The following CLSTN1 variants were observed in gnomAD, a reference collection of about 807,000 sequenced individuals.
CLSTN1 encodes calsyntenin-1.
CLSTN1 carries 28 observed loss-of-function variants against 108.3 expected under a neutral mutation model. That is an observed-to-expected ratio of 0.26 (90% CI 0.19 to 0.35). The LOEUF is 0.35. Ranked by LOEUF, CLSTN1 falls within the 10% of genes least tolerant of loss-of-function variation. The pLI is 1.00. For missense variants in CLSTN1, 1,157 were observed against 1,302.6 expected (o/e 0.89, Z 1.72); for synonymous variants, 524 against 534.9 (o/e 0.98, Z 0.28).
At chr1:9,804,235 C>T (rs1218612410) in intron 1 of CLSTN1, among the ~76,000 whole-genome samples, 6 of 151,768 alleles carry the variant, frequency 4.0e-5, no homozygotes, top group Admixed American at 2.6e-4. Flanking sequence ...TGGTGGCGGG[C>T]GCCTGTAGTC....
At chr1:9,779,481 C>T (rs1299089465) in intron 1 of CLSTN1, among the ~76,000 whole-genome samples, 2 of 152,008 alleles carry the variant, frequency 1.3e-5, no homozygotes, top group African/African-American at 2.4e-5. Flanking sequence ...CGCTTGAACC[C>T]GGGAGGTGGA....
At chr1:9,735,732 A>G in intron 12 of CLSTN1, 117 bp from the exon 13 acceptor site, 1 of 1,515,782 alleles carries the variant, frequency 6.6e-7, no homozygotes, top group Non-Finnish European at 9.0e-7. Flanking sequence ...GCTGACTTGA[A>G]AAAGAAAAGC....
chr1:9,767,076 T>C (rs774849095), intron 2 of CLSTN1, among the ~76,000 whole-genome samples: 7 of 152,208 alleles, frequency 4.6e-5, no homozygotes, highest in Non-Finnish European at 7.3e-5. Flanking sequence ...GGTAAACTCA[T>C]CTCCTCCCTC....
rs761616622 is a variant in CLSTN1 at position 9,773,273 on chromosome 1, T to C, written c.213A>G (p.Ala71=). The C allele has an allele frequency of 1.9e-6, 3 of 1,613,774 alleles. No individual in the cohort carries two copies. The highest frequency in any genetic ancestry group is 2.5e-6 in the Non-Finnish European group (3 of 1,179,870). ...AGTCAATGAAAGCCCCGTTCCTACC[T>C]GCAAATCGCAGAGGCGCATCTTTAT... The part of the protein sequence containing the change: ...ALDKDAPLRF[A]ESFEVTVTKE... The change falls in exon 2 of 19, where the codon GCA becomes GCG. Residue 71 remains alanine, a splice_region_variant and synonymous_variant. Coordinates refer to ENST00000377298, the MANE Select transcript of CLSTN1 (RefSeq NM_001009566.3).
At position 9,745,216 on chromosome 1, in the gene CLSTN1, G is replaced by A. The variant is rs538399988; in HGVS notation, c.986-573C>T. ...TGCACTCCAGCCTGGGCAACAGAGC[G>A]AGACTCCGTCTCAAAAAAAAAAAAA... is the stretch of plus-strand genomic sequence containing the variant. On this transcript the variant is annotated intron_variant, in intron 7 of 18. Coordinates refer to ENST00000377298, the MANE Select transcript of CLSTN1 (RefSeq NM_001009566.3). Among the ~76,000 whole-genome samples the A allele has an allele frequency of 3.5e-3, 479 of 138,632 alleles. 1 individual carries two copies. The highest frequency in any genetic ancestry group is 0.011 in the African/African-American group (417 of 36,470). 90.9% of individuals were successfully genotyped at this position (138,632 alleles called of 152,430 possible).
At chr1:9,787,443 G>A (rs184912835) in intron 1 of CLSTN1, among the ~76,000 whole-genome samples, 3 of 134,316 alleles carry the variant, frequency 2.2e-5, no homozygotes, top group Admixed American at 8.5e-5. Context: ...TCACTCTGTC[G>A]CCCAGCCTGG....
rs571679552 is a variant in CLSTN1, at chr1:9,781,118, G to C, written c.92-7724C>G. 112 of 726,686 alleles carry C rather than the reference G, an allele frequency of 1.5e-4. 1 individual carries two copies. The African/African-American group carries it at 1.8e-3, about 12-fold the overall frequency. The allele number at this position is 726,686 out of a possible 1,614,324, so 45.0% of individuals were successfully genotyped here. A position where few individuals can be genotyped will look rare whatever the true frequency, so the allele number is the denominator to read the frequency against. Reference sequence around the variant, plus strand: ...AATTTAGAATGCTGGCTTAGATATGGAAACTCCTATTTGTGTACGGCTTTG... The same window carrying C: ...AATTTAGAATGCTGGCTTAGATATGCAAACTCCTATTTGTGTACGGCTTTG... On this transcript the variant is annotated intron_variant, in intron 1 of 18. Transcript: ENST00000377298.
chr1:9,748,887 G>A (rs1379106658), intron 7 of CLSTN1, among the ~76,000 whole-genome samples: 1 of 152,076 alleles, frequency 6.6e-6, no homozygotes, highest in Non-Finnish European at 1.5e-5. Flanking sequence ...GAGTATGCTG[G>A]AGAAATACTT....
intron 1 of CLSTN1, among the ~76,000 whole-genome samples, chr1:9,790,807 C>T (rs113865383): frequency 2.0e-5 from 3 of 151,062 alleles, no homozygotes; most frequent in African/African-American, 7.2e-5. Flanking sequence ...CAGGGTGTGA[C>T]GATCGCAAAT....
In CLSTN1 at chr1:9,734,331, T is replaced by C. The variant is rs527258558; in HGVS notation, c.2111-189A>G. 7.0e-4 allele frequency among the ~76,000 whole-genome samples: 107 copies of C among 152,198 alleles called. No individual in the cohort carries two copies. Among genetic ancestry groups the C allele is most frequent in the Non-Finnish European group, 1.3e-3 (86 of 67,996 alleles). The stretch of plus-strand genomic sequence containing the variant: ...GGCTCACGCCTGTAATCCCAGCACT[T>C]TGGGAGGCCAAGACGGGTGGATCAC... On this transcript the variant is annotated intron_variant, in intron 14 of 18. Transcript: ENST00000377298. The surrounding 1 kb of genome is among the most constrained non-coding windows in gnomAD (Gnocchi z 4.8).
At chr1:9,744,363 G>A in intron 8 of CLSTN1, 32 bp downstream of exon 8, 1 of 1,580,696 alleles carries the variant, frequency 6.3e-7, no homozygotes, top group Non-Finnish European at 8.6e-7. Context: ...GGACACTGGG[G>A]CCTGGCATCG....
chr1:9,759,926 G>A (rs1651988760), intron 2 of CLSTN1, among the ~76,000 whole-genome samples: 1 of 152,124 alleles, frequency 6.6e-6, no homozygotes, highest in African/African-American at 2.4e-5. Context: ...GCTTTAATTT[G>A]GATAAAACTT....
chr1:9,730,781 G>C lies in CLSTN1; in HGVS notation c.2749-76C>G. 7.3e-7 allele frequency: 1 copy of C among 1,370,796 alleles called. No individual in the cohort carries two copies. Among genetic ancestry groups the C allele is most frequent in the Non-Finnish European group, 1.0e-6 (1 of 995,490 alleles). 84.9% of individuals were successfully genotyped at this position (1,370,796 alleles called of 1,614,324 possible). ...GTCACCTGGCATTCTCCTCTCGACA[G>C]CCACAGAGGAAGGAGAACTTGCCCC... is the stretch of plus-strand genomic sequence containing the variant. On this transcript the variant is annotated intron_variant, in intron 18 of 18. Coordinates refer to ENST00000377298, the MANE Select transcript of CLSTN1 (RefSeq NM_001009566.3). The surrounding 1 kb of genome is among the most constrained non-coding windows in gnomAD (Gnocchi z 5.6).
intron 1 of CLSTN1, among the ~76,000 whole-genome samples, chr1:9,809,836 G>T (rs1016108934): frequency 3.4e-5 from 5 of 148,980 alleles, no homozygotes; most frequent in African/African-American, 1.2e-4. Flanking sequence ...GGGGGACAGA[G>T]GTTGCAGTGA....
At chr1:9,822,077 C>T (rs757033948) in intron 1 of CLSTN1, among the ~76,000 whole-genome samples, 14 of 152,192 alleles carry the variant, frequency 9.2e-5, no homozygotes, top group Non-Finnish European at 1.9e-4. Flanking sequence ...ACTAAATATA[C>T]TTAAACTGTT....
intron 1 of CLSTN1, among the ~76,000 whole-genome samples, chr1:9,815,945 T>A (rs912209961): frequency 4.6e-5 from 7 of 151,606 alleles, no homozygotes; most frequent in African/African-American, 1.2e-4. Context: ...CAAAAAAAAA[T>A]TTTTTTAATT....
At chr1:9,776,870 CT>C (rs796571443) in intron 1 of CLSTN1, among the ~76,000 whole-genome samples, 7 of 136,898 alleles carry the variant, frequency 5.1e-5, no homozygotes, top group African/African-American at 2.4e-4. Context: ...ATTTATCTAT[CT>C]ATCTATCTAT....
chr1:9,764,106 A>AAGAGAGAGAG (rs772208381), intron 2 of CLSTN1, among the ~76,000 whole-genome samples: 3 of 120,818 alleles, frequency 2.5e-5, no homozygotes, highest in South Asian at 4.1e-4. Flanking sequence ...GGGAGAAAGA[A>AAGAGAGAGAG]AGAGAGAGAG....
intron 7 of CLSTN1, among the ~76,000 whole-genome samples, chr1:9,747,462 T>C (rs534939442): frequency 3.0e-4 from 46 of 152,260 alleles, no homozygotes; most frequent in African/African-American, 1.1e-3. Context: ...AATGTCTAGT[T>C]TTCTACTTTG....
Sources: allele counts gnomAD v4.1 joint callset (sites outside exome capture counted in the v4.1 genomes callset), GRCh38; gene constraint gnomAD v4.1.1; non-coding constraint Gnocchi (gnomAD v3.1); transcripts MANE v1.5; gene names NCBI Gene and HGNC (gene_info 2026-07-23, HGNC 2026-07-21).